Variants in PDSS2 observed in about 807,000 individuals in gnomAD.
The protein encoded by PDSS2 is decaprenyl diphosphate synthase subunit 2.
In PDSS2, 31 loss-of-function variants were observed where a neutral mutation model predicts 44.5. The observed-to-expected ratio is 0.70, with a 90% CI of 0.52 to 0.94. The LOEUF (loss-of-function observed/expected upper bound fraction) is 0.94. Ranked by LOEUF, PDSS2 falls within the 40% of genes least tolerant of loss-of-function variation. The pLI is 0.00. For synonymous variants in PDSS2, 157 were observed against 180.3 expected (o/e 0.87, Z 1.03); for missense variants, 452 against 482.2 (o/e 0.94, Z 0.59).
chr6:107,429,901 A>AATATATATATATATATATAT (rs869061691), intron 1 of PDSS2, among the ~76,000 whole-genome samples: 4 of 31,818 alleles, frequency 1.3e-4, no homozygotes, highest in East Asian at 2.1e-3. Context: ...AAAAAAAAAA[A>AATATATATATATATATATAT]ATATATATAT....
At chr6:107,315,892 C>T (rs2500586) in intron 2 of PDSS2, among the ~76,000 whole-genome samples, 81,075 of 151,924 alleles carry the variant, frequency 0.53, 22,875 homozygotes, top group Middle Eastern at 0.72. Flanking sequence ...GAGGCTGGGG[C>T]GGGATCATTT....
In PDSS2 at chr6:107,459,329, T is replaced by A; in HGVS notation, c.-44A>T. On this transcript the variant is annotated 5_prime_UTR_variant, in exon 1 of 8. Transcript: ENST00000369037. The surrounding 1 kb of genome is among the most constrained non-coding windows in gnomAD (Gnocchi z 4.3). ...TCTGGGACCTGGGGGTATCCAGAAG[T>A]GCCGCGGGAAACAAACCAGGGGCAG... 4.5e-6 allele frequency: 7 copies of A among 1,567,658 alleles called. No individual in the cohort carries two copies. Among genetic ancestry groups the A allele is most frequent in the Non-Finnish European group, 6.1e-6 (7 of 1,140,818 alleles).
At chr6:107,157,678 G>A (rs1442971539) in intron 7 of PDSS2, among the ~76,000 whole-genome samples, 1 of 142,502 alleles carries the variant, frequency 7.0e-6, no homozygotes, top group East Asian at 2.1e-4. Flanking sequence ...TAGCGTTTTT[G>A]TTTTTTTTTT....
intron 1 of PDSS2, among the ~76,000 whole-genome samples, chr6:107,429,744 C>T (rs912767858): frequency 2.0e-5 from 3 of 150,850 alleles, no homozygotes; most frequent in South Asian, 2.1e-4. Flanking sequence ...ATTAGCTGGG[C>T]GTGGTGGTGC....
chr6:107,363,010 T>C (rs1778829183), intron 1 of PDSS2, among the ~76,000 whole-genome samples: 3 of 151,682 alleles, frequency 2.0e-5, no homozygotes, highest in South Asian at 4.2e-4. Context: ...TGAAGAAAAA[T>C]GAACAAAGCT....
chr6:107,352,114 CAT>C (rs1320640546), intron 1 of PDSS2, among the ~76,000 whole-genome samples: 3 of 152,226 alleles, frequency 2.0e-5, no homozygotes, highest in East Asian at 1.9e-4. Context: ...AAGAATACGT[CAT>C]GTTTTTCAAA....
intron 1 of PDSS2, among the ~76,000 whole-genome samples, chr6:107,363,696 C>G (rs1778860248): frequency 6.6e-6 from 1 of 152,172 alleles, no homozygotes; most frequent in African/African-American, 2.4e-5. Flanking sequence ...GGGCAGCCTG[C>G]TTTTATTCTC....
chr6:107,389,707 A>G (rs1779722044), intron 1 of PDSS2, among the ~76,000 whole-genome samples: 2 of 152,212 alleles, frequency 1.3e-5, no homozygotes, highest in African/African-American at 2.4e-5. Context: ...AAGTATACAT[A>G]CATTTCCTTG....
chr6:107,384,043 C>G (rs1164672536), intron 1 of PDSS2, among the ~76,000 whole-genome samples: 2 of 152,088 alleles, frequency 1.3e-5, no homozygotes, highest in Non-Finnish European at 2.9e-5. Context: ...AACTGTTACA[C>G]AAAATGTGGT....
chr6:107,318,995 AAT>A (rs1258163487), intron 2 of PDSS2, among the ~76,000 whole-genome samples: 23 of 103,850 alleles, frequency 2.2e-4, no homozygotes, highest in African/African-American at 5.1e-4. Flanking sequence ...TAAAAAAGAA[AAT>A]ATATATATAT....
At position 107,154,711 on chromosome 6, in the gene PDSS2, T is replaced by C. The variant is rs782454120; in HGVS notation, c.1108A>G (p.Asn370Asp). The C allele has an allele frequency of 6.2e-7, 1 of 1,614,022 alleles. No individual in the cohort carries two copies. Among genetic ancestry groups the C allele is most frequent in the Non-Finnish European group, 8.5e-7 (1 of 1,179,996 alleles). Residue 370 changes from asparagine (N) to aspartate (D), a missense_variant, in exon 8 of 8, where the codon AAC becomes GAC. Transcript: ENST00000369037. The part of the protein sequence containing the change: ...SAIDLCRYHG[N>D]KALEALESFP... ...CTCTCCAGGGCCTCCAGTGCCTTGT[T>C]TCCATGGTAACGACACAGGTCAATA...
chr6:107,181,917 GCTAA>G (rs1339878020), intron 7 of PDSS2, among the ~76,000 whole-genome samples: 1 of 151,542 alleles, frequency 6.6e-6, no homozygotes, highest in Non-Finnish European at 1.5e-5. Context: ...AATTATTTGG[GCTAA>G]CTGAGAGGGT....
chr6:107,264,957 G>A (rs1775366456), intron 3 of PDSS2, among the ~76,000 whole-genome samples: 1 of 152,100 alleles, frequency 6.6e-6, no homozygotes, highest in African/African-American at 2.4e-5. Flanking sequence ...GTACAGTGAA[G>A]TACTAAAATA....
chr6:107,266,084 A>G (rs1203646405), intron 3 of PDSS2, among the ~76,000 whole-genome samples: 2 of 152,226 alleles, frequency 1.3e-5, no homozygotes, highest in African/African-American at 2.4e-5. Flanking sequence ...ATTTGATAAA[A>G]TAAGTCCTCT....
At chr6:107,223,862 CAG>C (rs1246709514) in intron 4 of PDSS2, among the ~76,000 whole-genome samples, 1 of 150,786 alleles carries the variant, frequency 6.6e-6, no homozygotes, top group East Asian at 1.9e-4. Context: ...CCCCAACCTC[CAG>C]GCCATGGACT....
intron 1 of PDSS2, among the ~76,000 whole-genome samples, chr6:107,422,795 T>C (rs1409531916): frequency 1.3e-5 from 2 of 152,056 alleles, no homozygotes; most frequent in African/African-American, 4.8e-5. Flanking sequence ...TAGGGTAACT[T>C]TTCGTTATAT....
At chr6:107,294,006 C>A (rs532525607) in intron 2 of PDSS2, among the ~76,000 whole-genome samples, 1 of 152,088 alleles carries the variant, frequency 6.6e-6, no homozygotes, top group African/African-American at 2.4e-5. Flanking sequence ...CTTTAGAGAG[C>A]AAGCAGGGGT....
chr6:107,256,095 A>G (rs1775011327), intron 3 of PDSS2, among the ~76,000 whole-genome samples: 1 of 152,046 alleles, frequency 6.6e-6, no homozygotes, highest in African/African-American at 2.4e-5. Flanking sequence ...GGTTCAAGCA[A>G]TTCTCCTGTT....
intron 3 of PDSS2, among the ~76,000 whole-genome samples, chr6:107,248,248 T>C (rs1364296686): frequency 6.6e-6 from 1 of 151,126 alleles, no homozygotes; most frequent in African/African-American, 2.4e-5. Flanking sequence ...TCTTGAGGAG[T>C]GACATGTTCA....
Sources: gnomAD v4.1 joint callset for allele counts (sites outside exome capture counted in the v4.1 genomes callset) on GRCh38, gnomAD v4.1.1 for gene constraint, Gnocchi (gnomAD v3.1) non-coding constraint, MANE v1.5 for transcripts, NCBI Gene and HGNC (gene_info 2026-07-23, HGNC 2026-07-21) for gene names.